The following PPARD variants were observed in gnomAD, a reference collection of about 807,000 sequenced individuals.
PPARD encodes the protein peroxisome proliferator activated receptor delta, also known as peroxisome proliferator-activated receptor delta.
PPARD carries 6 observed loss-of-function variants against 39.5 expected under a neutral mutation model. The ratio of observed to expected loss-of-function variants is 0.15; its 90% CI spans 0.08 to 0.30. The LOEUF is 0.30. Ranked by LOEUF, PPARD falls within the 10% of genes least tolerant of loss-of-function variation. The pLI is 1.00. For missense variants in PPARD, 397 were observed against 596.8 expected (o/e 0.67, Z 3.49); for synonymous variants, 210 against 231.3 (o/e 0.91, Z 0.83).
intron 5 of PPARD, among the ~76,000 whole-genome samples, chr6:35,423,458 G>C (rs974385114): frequency 1.3e-5 from 2 of 151,416 alleles, no homozygotes; most frequent in Non-Finnish European, 2.9e-5. Context: ...GCTTGAACCC[G>C]GGAGGCAGAG....
In PPARD at chr6:35,426,182, G is replaced by A; in HGVS notation, c.*103G>A. On this transcript the variant is annotated 3_prime_UTR_variant, in exon 8 of 8. Coordinates refer to ENST00000360694, the MANE Select transcript of PPARD (RefSeq NM_006238.5). ...CCAGCCCTTGAGCACCCGGCCTGGA[G>A]CAGCAGAGTCCCACGATCGCCCTCA... The A allele has an allele frequency of 6.8e-7, 1 of 1,473,630 alleles. No individual in the cohort carries two copies. The highest frequency in any genetic ancestry group is 9.1e-7 in the Non-Finnish European group (1 of 1,103,762). 91.3% of individuals were successfully genotyped at this position (1,473,630 alleles called of 1,614,324 possible). A position where few individuals can be genotyped will look rare whatever the true frequency, so the allele number is the denominator to read the frequency against.
chr6:35,354,998 C>T (rs2150456551), intron 2 of PPARD, among the ~76,000 whole-genome samples: 1 of 152,270 alleles, frequency 6.6e-6, no homozygotes, highest in African/African-American at 2.4e-5. Context: ...TAAAATGAAC[C>T]TCAGGAAATG....
chr6:35,379,428 C>T (rs1249646784), intron 2 of PPARD, among the ~76,000 whole-genome samples: 1 of 152,172 alleles, frequency 6.6e-6, no homozygotes, highest in Non-Finnish European at 1.5e-5. Flanking sequence ...GCCCAACCCA[C>T]GTGAATCCCA....
intron 3 of PPARD, among the ~76,000 whole-genome samples, chr6:35,413,774 C>T (rs1436074823): frequency 6.6e-6 from 1 of 151,860 alleles, no homozygotes; most frequent in Non-Finnish European, 1.5e-5. Context: ...ACCTCTGCCT[C>T]CCGGGCTCAA....
At position 35,384,055 on chromosome 6, in the gene PPARD, G is replaced by T. The variant is rs1473797174; in HGVS notation, c.-101-26932G>T. 2.0e-5 allele frequency among the ~76,000 whole-genome samples: 3 copies of T among 148,262 alleles called. No homozygotes were observed. In the East Asian group the frequency reaches 6.3e-4, roughly 31 times the overall value. ...AGGGAGGTGGGGGGGTCAGCCCCCC[G>T]CCAGGCCAGCCGCCCCGTCCGGGAG... On this transcript the variant is annotated intron_variant, in intron 2 of 7. Transcript: ENST00000360694.
intron 1 of PPARD, 24 bp from the exon 2 acceptor site, chr6:35,347,043 G>A (rs752228967): frequency 6.8e-7 from 1 of 1,464,952 alleles, no homozygotes; most frequent in Non-Finnish European, 9.2e-7. Context: ...AGCTAAAGCT[G>A]TTGGGGTTTT....
chr6:35,369,700 C>G (rs1168423404), intron 2 of PPARD, among the ~76,000 whole-genome samples: 1 of 152,224 alleles, frequency 6.6e-6, no homozygotes, highest in East Asian at 1.9e-4. Flanking sequence ...GGTATTCATT[C>G]TTATGAGAAT....
chr6:35,350,529 T>C (rs1056875403), intron 2 of PPARD, among the ~76,000 whole-genome samples: 10 of 152,166 alleles, frequency 6.6e-5, no homozygotes, highest in Admixed American at 2.6e-4. Context: ...TGTATGTTCT[T>C]GGCACCTTTG....
chr6:35,372,915 A>G (rs1189310204), intron 2 of PPARD, among the ~76,000 whole-genome samples: 1 of 152,182 alleles, frequency 6.6e-6, no homozygotes, highest in Non-Finnish European at 1.5e-5. Flanking sequence ...AAAATTCCTG[A>G]GATGGGTAAT....
intron 2 of PPARD, among the ~76,000 whole-genome samples, chr6:35,361,137 G>A (rs1041083562): frequency 6.6e-6 from 1 of 152,208 alleles, no homozygotes; most frequent in African/African-American, 2.4e-5. Flanking sequence ...GTTAGGTTAC[G>A]GACTTCTAGG....
intron 2 of PPARD, among the ~76,000 whole-genome samples, chr6:35,379,842 C>T (rs1763040197): frequency 6.6e-6 from 1 of 152,352 alleles, no homozygotes; most frequent in East Asian, 1.9e-4. Flanking sequence ...CTCTCTTGGT[C>T]TTTATGAACT....
chr6:35,424,272 G>A lies in PPARD; in HGVS notation c.628-57G>A, dbSNP rs527545065. ...CTTCATGGTGCAGGCAAGGGACATG[G>A]GGAGCACAGGGTGGGGGTCTCCCGA... On this transcript the variant is annotated intron_variant, in intron 6 of 7. Coordinates refer to ENST00000360694, the MANE Select transcript of PPARD (RefSeq NM_006238.5). The surrounding 1 kb of genome is among the most constrained non-coding windows in gnomAD (Gnocchi z 7.1). 1.9e-6 allele frequency: 3 copies of A among 1,597,318 alleles called. No homozygotes were observed. The Admixed American group carries it at 5.1e-5, about 27-fold the overall frequency.
Position 35,424,285 on chromosome 6 carries a change from G to T in PPARD, c.628-44G>T. 6.2e-7 allele frequency: 1 copy of T among 1,600,678 alleles called. No homozygotes were observed. The highest frequency in any genetic ancestry group is 1.1e-5 in the South Asian group (1 of 89,392). ...GCAAGGGACATGGGGAGCACAGGGT[G>T]GGGGTCTCCCGAGGCCTGATCTCTA... On this transcript the variant is annotated intron_variant, in intron 6 of 7. Coordinates refer to ENST00000360694, the MANE Select transcript of PPARD (RefSeq NM_006238.5). This position sits in a 1 kb window ranked among gnomAD's most constrained non-coding sequence, Gnocchi z 7.1.
At chr6:35,365,130 C>CCTTTTTTTTTTTTTTTTTTTTT (rs1281072287) in intron 2 of PPARD, among the ~76,000 whole-genome samples, 5 of 121,086 alleles carry the variant, frequency 4.1e-5, no homozygotes, top group African/African-American at 1.7e-4. Context: ...CTTCCTTATT[C>CCTTTTTTTTTTTTTTTTTTTTT]TTTTTTTTTT....
In PPARD at chr6:35,424,915, A is replaced by C. The variant is rs1369077564; in HGVS notation, c.1078+136A>C. On this transcript the variant is annotated intron_variant, in intron 7 of 7. Coordinates refer to ENST00000360694, the MANE Select transcript of PPARD (RefSeq NM_006238.5). This position sits in a 1 kb window ranked among gnomAD's most constrained non-coding sequence, Gnocchi z 7.1. The stretch of plus-strand genomic sequence containing the variant: ...TGTGATCTTGGCAGTGGAACATGCA[A>C]GGCACTGACTGAGCATGCAGGATCA... 4.8e-6 allele frequency: 7 copies of C among 1,454,198 alleles called. No individual in the cohort carries two copies. The highest frequency in any genetic ancestry group is 6.3e-6 in the Non-Finnish European group (7 of 1,107,368). 90.1% of individuals were successfully genotyped at this position (1,454,198 alleles called of 1,614,324 possible).
chr6:35,384,803 G>A (rs1308667161), intron 2 of PPARD, among the ~76,000 whole-genome samples: 1 of 38,624 alleles, frequency 2.6e-5, no homozygotes, highest in Non-Finnish European at 4.6e-5. Context: ...GTCAGGCCCC[G>A]CCCGGCCAGC....
chr6:35,365,891 G>A (rs1173610167), intron 2 of PPARD, among the ~76,000 whole-genome samples: 1 of 151,742 alleles, frequency 6.6e-6, no homozygotes, highest in East Asian at 1.9e-4. Context: ...TAAACAGATT[G>A]ACAATGCTTC....
At chr6:35,356,109 G>A (rs1013631523) in intron 2 of PPARD, among the ~76,000 whole-genome samples, 1 of 152,098 alleles carries the variant, frequency 6.6e-6, no homozygotes, top group African/African-American at 2.4e-5. Context: ...GTAGGAGGAT[G>A]CTGAAGGGAG....
chr6:35,345,345 G>T (rs898347357), intron 1 of PPARD, among the ~76,000 whole-genome samples: 1 of 152,122 alleles, frequency 6.6e-6, no homozygotes, highest in Non-Finnish European at 1.5e-5. Flanking sequence ...GAGTGCAGTG[G>T]TGCTATCATA....
Sources: allele counts gnomAD v4.1 joint callset (sites outside exome capture counted in the v4.1 genomes callset), GRCh38; gene constraint gnomAD v4.1.1; non-coding constraint Gnocchi (gnomAD v3.1); transcripts MANE v1.5; gene names NCBI Gene and HGNC (gene_info 2026-07-23, HGNC 2026-07-21).